PXDNL: variants seen among roughly 807,000 people sequenced by gnomAD.
PXDNL encodes the protein probable oxidoreductase PXDNL.
In PXDNL, 145 loss-of-function variants were observed where a neutral mutation model predicts 150.8. The observed-to-expected ratio is 0.96, with a 90% CI of 0.84 to 1.10. The LOEUF (loss-of-function observed/expected upper bound fraction) is 1.10. Ranked by LOEUF, PXDNL falls within the 50% of genes least tolerant of loss-of-function variation. The pLI is 0.00. For missense variants in PXDNL, 2,087 were observed against 1,873.9 expected (o/e 1.11, Z -2.10); for synonymous variants, 757 against 725.7 (o/e 1.04, Z -0.69).
chr8:51,347,413 G>C (rs1806192089), intron 19 of PXDNL, among the ~76,000 whole-genome samples: 1 of 152,110 alleles, frequency 6.6e-6, no homozygotes. Flanking sequence ...GAACTCACTG[G>C]TATTAAAACA....
chr8:51,725,512 C>A (rs1284285623), intron 1 of PXDNL, among the ~76,000 whole-genome samples: 1 of 152,180 alleles, frequency 6.6e-6, no homozygotes, highest in Non-Finnish European at 1.5e-5. Flanking sequence ...GAATAGAAGG[C>A]TTCTATGATA....
At chr8:51,669,615 G>T (rs1453501467) in intron 1 of PXDNL, among the ~76,000 whole-genome samples, 1 of 152,082 alleles carries the variant, frequency 6.6e-6, no homozygotes, top group Non-Finnish European at 1.5e-5. Flanking sequence ...CCACATATAT[G>T]GGCATACACA....
At position 51,499,697 on chromosome 8, in the gene PXDNL, AC is replaced by A. The variant is rs754785680; in HGVS notation, c.452+1del. ...AAGGACATCTAAAGGGTCAACACTT[AC>A]AGTCGCTCTAATCTCAGAAGGTCTC... On this transcript the variant is annotated splice_donor_variant, in intron 5 of 22. Transcript: ENST00000356297. LOFTEE classifies it high-confidence loss of function. The A allele has an allele frequency of 1.9e-6, 3 of 1,607,172 alleles. No individual in the cohort carries two copies. The East Asian group carries it at 6.7e-5, about 36-fold the overall frequency.
Position 51,346,047 on chromosome 8 carries a change from A to G in PXDNL, c.3902-100T>C, listed in dbSNP as rs938307676. 9.8e-6 allele frequency: 7 copies of G among 710,966 alleles called. No individual in the cohort carries two copies. The South Asian group carries it at 1.1e-4, about 11-fold the overall frequency. 44.0% of individuals were successfully genotyped at this position (710,966 alleles called of 1,614,324 possible). ...ACAGTCAGAGAGGGCAAGAGTACCA[A>G]GAAGAAAGAGTAGAGAGCGAGAGTG... On this transcript the variant is annotated intron_variant, in intron 19 of 22. Coordinates refer to ENST00000356297, the MANE Select transcript of PXDNL (RefSeq NM_144651.5).
intron 2 of PXDNL, among the ~76,000 whole-genome samples, chr8:51,608,002 G>GAAGAAAGA (rs71237219): frequency 0.015 from 950 of 63,364 alleles, 33 homozygotes; most frequent in Admixed American, 0.022. Context: ...AGGAAGGAAG[G>GAAGAAAGA]AAGAAAGAAA....
chr8:51,490,997 C>G (rs772115864), intron 5 of PXDNL, among the ~76,000 whole-genome samples: 13 of 152,168 alleles, frequency 8.5e-5, no homozygotes, highest in Middle Eastern at 3.4e-3. Context: ...GCAGACCCAC[C>G]CTTAATCTGA....
intron 19 of PXDNL, among the ~76,000 whole-genome samples, chr8:51,369,829 G>T (rs899368128): frequency 6.6e-6 from 1 of 152,112 alleles, no homozygotes; most frequent in African/African-American, 2.4e-5. Flanking sequence ...ACCCTCCTCT[G>T]GTCTGTTACA....
chr8:51,535,337 G>A (rs1389885828), intron 4 of PXDNL, among the ~76,000 whole-genome samples: 1 of 88,030 alleles, frequency 1.1e-5, no homozygotes, highest in Non-Finnish European at 2.0e-5. Context: ...GTGGATAGAA[G>A]TAGACATGGG....
chr8:51,577,923 A>AAAAGAAAGAAAG (rs1234489822), intron 3 of PXDNL, among the ~76,000 whole-genome samples: 22 of 42,394 alleles, frequency 5.2e-4, no homozygotes, highest in East Asian at 1.1e-3. Context: ...GAAAAGAAAG[A>AAAAGAAAGAAAG]AAAGAAAGAA....
chr8:51,643,277 A>G (rs1814816360), intron 2 of PXDNL, among the ~76,000 whole-genome samples: 1 of 152,230 alleles, frequency 6.6e-6, no homozygotes, highest in African/African-American at 2.4e-5. Context: ...GCATCACCCT[A>G]CCTGACTTCA....
At chr8:51,657,082 A>T (rs1301619854) in intron 1 of PXDNL, among the ~76,000 whole-genome samples, 1 of 152,196 alleles carries the variant, frequency 6.6e-6, no homozygotes, top group Non-Finnish European at 1.5e-5. Flanking sequence ...ATCATAGCTT[A>T]GCCTAGCCTA....
rs1467000899 is a variant in PXDNL, at chr8:51,712,334, A to C, written c.165-57574T>G. ...TGGTACTACTGGGCTGATTTCAGCTAATTTTCATTAGGCACATCTGACTGG... is the reference window on the plus strand; with the variant it reads ...TGGTACTACTGGGCTGATTTCAGCTCATTTTCATTAGGCACATCTGACTGG... On this transcript the variant is annotated intron_variant, in intron 1 of 22. Coordinates refer to ENST00000356297, the MANE Select transcript of PXDNL (RefSeq NM_144651.5). Among the ~76,000 whole-genome samples, 4 of 152,224 alleles carry C rather than the reference A, an allele frequency of 2.6e-5. No homozygotes were observed. In the East Asian group the frequency reaches 7.7e-4, roughly 29 times the overall value.
intron 4 of PXDNL, among the ~76,000 whole-genome samples, chr8:51,538,070 G>T (rs1390984882): frequency 2.0e-5 from 3 of 152,128 alleles, no homozygotes; most frequent in Non-Finnish European, 2.9e-5. Flanking sequence ...TTCCTAGAGA[G>T]GTACTTACAA....
intron 1 of PXDNL, among the ~76,000 whole-genome samples, chr8:51,750,918 A>T (rs6987025): frequency 0.06 from 9,195 of 152,308 alleles, 325 homozygotes; most frequent in African/African-American, 0.1. Context: ...GACAGTTTAG[A>T]CAAAGAACTC....
At chr8:51,598,060 T>C (rs1429217322) in intron 2 of PXDNL, among the ~76,000 whole-genome samples, 2 of 152,142 alleles carry the variant, frequency 1.3e-5, no homozygotes, top group Admixed American at 6.6e-5. Context: ...GTAATTTATG[T>C]ATAAAAATGC....
chr8:51,408,568 G>T lies in PXDNL; in HGVS notation c.3056C>A (p.Pro1019His). ...AGTGCCAGGGTCCCCCAGGACCTTA[G>T]GCAGCCAGTGGCTGTAGGTGATGTG... Reference protein sequence around the residue: ...LQHITYSHWLPKVLGDPGTRM... With the variant: ...LQHITYSHWLHKVLGDPGTRM... Residue 1019 changes from proline to histidine, a missense_variant, in exon 17 of 23, where the codon CCT becomes CAT. By Grantham distance (77) the Pro-to-His change is moderately conservative. Transcript: ENST00000356297. 6.2e-7 allele frequency: 1 copy of T among 1,612,902 alleles called. No homozygotes were observed. The highest frequency in any genetic ancestry group is 1.1e-5 in the South Asian group (1 of 90,834).
intron 1 of PXDNL, among the ~76,000 whole-genome samples, chr8:51,701,305 G>A (rs1403564952): frequency 6.6e-6 from 1 of 152,116 alleles, no homozygotes; most frequent in African/African-American, 2.4e-5. Context: ...CAAACAGTGA[G>A]TCACTGGCCT....
Position 51,426,672 on chromosome 8 carries a change from G to C in PXDNL, c.1612C>G (p.Pro538Ala), listed in dbSNP as rs201974817. ...INISCHAQGEPQPIITWNKEG... is the reference protein window; with the variant it reads ...INISCHAQGEAQPIITWNKEG... ...TTATTCCAAGTAATTATGGGCTGTG[G>C]TTCTCCTTGAGCATGACATGAAATG... Residue 538 changes from proline to alanine, a missense_variant, in exon 13 of 23, where the codon CCA becomes GCA. Transcript: ENST00000356297. 3.7e-4 allele frequency: 589 copies of C among 1,602,956 alleles called. No individual in the cohort carries two copies. The African/African-American group carries it at 6.8e-3, about 19-fold the overall frequency.
At chr8:51,628,399 C>CTTTTTTTTTTTTTTTTTTTTTTTTTT (rs71550276) in intron 2 of PXDNL, among the ~76,000 whole-genome samples, 3 of 69,748 alleles carry the variant, frequency 4.3e-5, no homozygotes, top group African/African-American at 5.9e-5. Context: ...CTTTTCTTTT[C>CTTTTTTTTTTTTTTTTTTTTTTTTTT]TTTTTTTTTT....
Sources: allele counts gnomAD v4.1 joint callset (sites outside exome capture counted in the v4.1 genomes callset), GRCh38; gene constraint gnomAD v4.1.1; transcripts MANE v1.5; gene names NCBI Gene and HGNC (gene_info 2026-07-23, HGNC 2026-07-21).